The following CABIN1 variants were observed in gnomAD, a reference collection of about 807,000 sequenced individuals.
The protein encoded by CABIN1 is calcineurin binding protein 1.
A neutral mutation model predicts 227.7 loss-of-function variants in CABIN1; 133 were observed. The observed-to-expected ratio is 0.58, with a 90% CI of 0.51 to 0.67. The LOEUF (loss-of-function observed/expected upper bound fraction) is 0.67. Ranked by LOEUF, CABIN1 falls within the 30% of genes least tolerant of loss-of-function variation. The pLI is 0.00. For synonymous variants in CABIN1, 1,086 were observed against 1,155.1 expected (o/e 0.94, Z 1.21); for missense variants, 2,408 against 2,852.5 (o/e 0.84, Z 3.55).
intron 22 of CABIN1, 51 bp from the exon 23 acceptor site, chr22:24,087,401 A>G (rs769429928): frequency 3.7e-6 from 6 of 1,607,372 alleles, no homozygotes; most frequent in Non-Finnish European, 4.2e-6. Context: ...ATTATCTTCC[A>G]TGCTTTTCAT....
chr22:24,055,440 G>A (rs1310816335), intron 9 of CABIN1, among the ~76,000 whole-genome samples: 1 of 152,228 alleles, frequency 6.6e-6, no homozygotes, highest in East Asian at 1.9e-4. Context: ...ACCATTTAGT[G>A]CCTGGCAGCC....
At chr22:24,080,728 T>C (rs1443358007) in intron 19 of CABIN1, among the ~76,000 whole-genome samples, 1 of 152,206 alleles carries the variant, frequency 6.6e-6, no homozygotes, top group Non-Finnish European at 1.5e-5. Flanking sequence ...AAATGTTAGT[T>C]TTTCTATTTG....
At chr22:24,051,604 T>C (rs967408134) in intron 8 of CABIN1, among the ~76,000 whole-genome samples, 10 of 152,110 alleles carry the variant, frequency 6.6e-5, no homozygotes, top group African/African-American at 1.9e-4. Context: ...GACTTAGCAG[T>C]AGCATTCCAT....
At chr22:24,060,350 G>C (rs1050765859) in intron 12 of CABIN1, among the ~76,000 whole-genome samples, 3 of 152,166 alleles carry the variant, frequency 2.0e-5, no homozygotes, top group Non-Finnish European at 4.4e-5. Flanking sequence ...GATACACTTA[G>C]GGGTGAGAGT....
At chr22:24,134,521 T>G (rs2044271582) in intron 29 of CABIN1, 106 bp downstream of exon 29, 2 of 869,722 alleles carry the variant, frequency 2.3e-6, no homozygotes. Flanking sequence ...GCCTCAAGTT[T>G]GCGGCATCCT....
At chr22:24,072,256 C>T in intron 17 of CABIN1, 98 bp from the exon 18 acceptor site, 1 of 1,300,362 alleles carries the variant, frequency 7.7e-7, no homozygotes, top group Non-Finnish European at 1.1e-6. Flanking sequence ...GCAGGCAGCA[C>T]ATACCAGCTC....
rs766082760 is a variant in CABIN1 at position 24,098,242 on chromosome 22, C to CG, written c.4117+57dup. On this transcript the variant is annotated intron_variant, in intron 26 of 36. Transcript: ENST00000263119. ...CCAGCCCAGGGCGGCACATCAATCA[C>CG]GGGGGGGTGCTCGGACGACTCATTT... 2.6e-4 allele frequency: 426 copies of CG among 1,611,480 alleles called. 1 individual carries two copies. In the Middle Eastern group the frequency reaches 3.3e-3, roughly 13 times the overall value.
At chr22:24,067,308 A>G (rs930723611) in intron 16 of CABIN1, 127 bp downstream of exon 16, 9 of 961,638 alleles carry the variant, frequency 9.4e-6, no homozygotes, top group Middle Eastern at 2.1e-4. Flanking sequence ...TGTCAAAACC[A>G]CTAAGCCCCC....
chr22:24,067,686 A>G (rs1304868000), intron 16 of CABIN1, among the ~76,000 whole-genome samples: 3 of 152,222 alleles, frequency 2.0e-5, no homozygotes, highest in African/African-American at 7.2e-5. Flanking sequence ...ACTCTTACCA[A>G]GAGCCTGCCA....
In CABIN1 at chr22:24,076,224, C is replaced by T. The variant is rs58044582; in HGVS notation, c.2688C>T (p.His896=). The change falls in exon 19 of 37, where the codon CAC becomes CAT. Residue 896 remains histidine (H), a synonymous_variant. Coordinates refer to ENST00000263119, the MANE Select transcript of CABIN1 (RefSeq NM_012295.4). The part of the protein sequence containing the change: ...PSSLMLLNTA[H]EYLGRRSWCC... Reference sequence around the variant, plus strand: ...CCCTCATGCTGCTGAACACAGCCCACGAGTATTTGGGCAGAAGGTCCTGGT... The same window carrying T: ...CCCTCATGCTGCTGAACACAGCCCATGAGTATTTGGGCAGAAGGTCCTGGT... The T allele has an allele frequency of 9.6e-3, 15,504 of 1,614,078 alleles. 813 individuals are homozygous for T. In the East Asian group the frequency reaches 0.17, roughly 18 times the overall value.
chr22:24,041,207 T>A lies in CABIN1; in HGVS notation c.279T>A (p.Tyr93Ter). The A allele has an allele frequency of 1.2e-6, 2 of 1,614,202 alleles. No individual in the cohort carries two copies. The highest frequency in any genetic ancestry group is 1.7e-6 in the Non-Finnish European group (2 of 1,180,024). The stretch of plus-strand genomic sequence containing the variant: ...GGCTGATACTGAAATATTCCACTTA[T>A]AAGAACTTGGCCCAGCTGGCAGCCC... ...HPGLILKYST[Y>*]KNLAQLAAQR... The change falls in exon 5 of 37, where the codon TAT (tyrosine) becomes TAA (stop). Residue 93 changes from tyrosine to a stop codon, truncating the protein, a stop_gained. Transcript: ENST00000263119. LOFTEE classifies it high-confidence loss of function.
Position 24,052,816 on chromosome 22 carries a change from A to T in CABIN1, c.806+1842A>T, listed in dbSNP as rs187945333. The stretch of plus-strand genomic sequence containing the variant: ...AAAAAAAAAAAAAAAATTAAAAAAT[A>T]AAATTTGCTGCAGGGCACAGTTTAC... On this transcript the variant is annotated intron_variant, in intron 8 of 36. Coordinates refer to ENST00000263119, the MANE Select transcript of CABIN1 (RefSeq NM_012295.4). Among the ~76,000 whole-genome samples, 1,190 of 151,898 alleles carry T rather than the reference A, an allele frequency of 7.8e-3. 6 individuals are homozygous for T. The highest frequency in any genetic ancestry group is 0.015 in the South Asian group (71 of 4,820).
Position 24,043,086 on chromosome 22 carries a change from T to A in CABIN1, c.526+2T>A. Reference sequence around the variant, plus strand: ...TGTACACCCTCAGTGATTACACAAGTGAGTCATGCTTTGATGCTTTCTTCC... The same window carrying A: ...TGTACACCCTCAGTGATTACACAAGAGAGTCATGCTTTGATGCTTTCTTCC... On this transcript the variant is annotated splice_donor_variant, in intron 6 of 36. Coordinates refer to ENST00000263119, the MANE Select transcript of CABIN1 (RefSeq NM_012295.4). LOFTEE classifies it high-confidence loss of function. The A allele has an allele frequency of 6.2e-7, 1 of 1,613,604 alleles. No individual in the cohort carries two copies. Among genetic ancestry groups the A allele is most frequent in the Non-Finnish European group, 8.5e-7 (1 of 1,179,668 alleles).
chr22:24,170,198 C>T lies in CABIN1; in HGVS notation c.5758-1515C>T, dbSNP rs545535092. ...TTGCGTTTCCTACCTAGGATTCTTA[C>T]CCTGGGCCCAGAGAAGATGCCACTG... is the stretch of plus-strand genomic sequence containing the variant. On this transcript the variant is annotated intron_variant, in intron 33 of 36. Coordinates refer to ENST00000263119, the MANE Select transcript of CABIN1 (RefSeq NM_012295.4). The T allele has an allele frequency of 1.1e-3, 506 of 455,492 alleles. 10 individuals are homozygous for T. Among genetic ancestry groups the T allele is most frequent in the South Asian group, 7.2e-3 (463 of 64,496 alleles). 28.2% of individuals were successfully genotyped at this position (455,492 alleles called of 1,614,324 possible).
chr22:24,026,551 G>T (rs961566607), intron 1 of CABIN1, among the ~76,000 whole-genome samples: 1 of 151,998 alleles, frequency 6.6e-6, no homozygotes, highest in Admixed American at 6.5e-5. Context: ...GTTATTTTTT[G>T]TATTACATGT....
At chr22:24,089,944 C>G (rs1359979965) in intron 23 of CABIN1, among the ~76,000 whole-genome samples, 1 of 152,218 alleles carries the variant, frequency 6.6e-6, no homozygotes. Context: ...ATTGGGAACA[C>G]CTGCCATCAG....
intron 19 of CABIN1, among the ~76,000 whole-genome samples, chr22:24,082,085 CTTTTTTTT>C (rs71184946): frequency 4.7e-4 from 57 of 121,182 alleles, no homozygotes; most frequent in African/African-American, 1.7e-3. Context: ...TATTCTCTCT[CTTTTTTTT>C]TTTTTTTTTT....
intron 4 of CABIN1, among the ~76,000 whole-genome samples, chr22:24,040,169 T>G (rs1353503603): frequency 6.6e-6 from 1 of 152,226 alleles, no homozygotes; most frequent in Non-Finnish European, 1.5e-5. Flanking sequence ...GGGACAGAGG[T>G]AGCTGGGATC....
chr22:24,073,948 C>G (rs2040265386), intron 18 of CABIN1, among the ~76,000 whole-genome samples: 1 of 152,106 alleles, frequency 6.6e-6, no homozygotes, highest in South Asian at 2.1e-4. Context: ...CTTAGTTTGG[C>G]TGCACTATTT....
Sources: gnomAD v4.1 joint callset for allele counts (sites outside exome capture counted in the v4.1 genomes callset) on GRCh38, gnomAD v4.1.1 for gene constraint, MANE v1.5 for transcripts, NCBI Gene and HGNC (gene_info 2026-07-23, HGNC 2026-07-21) for gene names.